Variants in DIP2B observed in about 807,000 individuals in gnomAD.
DIP2B encodes DIP2 acetate--CoA ligase B (putative).
Under a neutral mutation model 198.0 loss-of-function variants are expected in DIP2B, and 76 were observed. The observed-to-expected ratio is 0.38, with a 90% confidence interval of 0.32 to 0.46. The LOEUF (loss-of-function observed/expected upper bound fraction) is 0.46. Among genes scored for constraint, DIP2B ranks in the 20% least tolerant of loss-of-function variants. The pLI is 0.99. For synonymous variants in DIP2B, 701 were observed against 739.1 expected (o/e 0.95, Z 0.84); for missense variants, 1,559 against 1,978.4 (o/e 0.79, Z 4.02).
intron 25 of DIP2B, among the ~76,000 whole-genome samples, chr12:50,720,512 C>A (rs1393658023): frequency 2.0e-5 from 3 of 151,660 alleles, no homozygotes; most frequent in African/African-American, 4.8e-5. Context: ...CGTTAAAAAT[C>A]TTAAGAACCA....
intron 1 of DIP2B, among the ~76,000 whole-genome samples, chr12:50,587,370 C>A (rs1188237506): frequency 6.6e-6 from 1 of 152,158 alleles, no homozygotes; most frequent in Non-Finnish European, 1.5e-5. Context: ...GCTATATGGA[C>A]CTTATTAAGA....
rs566397684 is a variant in DIP2B at position 50,739,838 on chromosome 12, T to A, written c.4354+252T>A. Reference sequence around the variant, plus strand: ...TCAGAGAGATGTGCCTGATGGCAAGTGAGCGTCCCTGGCTAAACAGACTTT... The same window carrying A: ...TCAGAGAGATGTGCCTGATGGCAAGAGAGCGTCCCTGGCTAAACAGACTTT... On this transcript the variant is annotated intron_variant, in intron 36 of 37. Coordinates refer to ENST00000301180, the MANE Select transcript of DIP2B (RefSeq NM_173602.3). Among the ~76,000 whole-genome samples, 10 of 152,314 alleles carry A rather than the reference T, an allele frequency of 6.6e-5. No individual in the cohort carries two copies. The East Asian group carries it at 1.9e-3, about 29-fold the overall frequency.
chr12:50,644,200 G>T (rs911010918), intron 3 of DIP2B, among the ~76,000 whole-genome samples: 1 of 152,154 alleles, frequency 6.6e-6, no homozygotes, highest in African/African-American at 2.4e-5. Flanking sequence ...TTAATTTCAA[G>T]TATACTACCT....
At chr12:50,717,541 G>A (rs954108535) in intron 23 of DIP2B, among the ~76,000 whole-genome samples, 1 of 151,400 alleles carries the variant, frequency 6.6e-6, no homozygotes, top group Non-Finnish European at 1.5e-5. Context: ...AATTTTTTTT[G>A]TATTTTTAGT....
At chr12:50,553,463 G>A (rs1040653995) in intron 1 of DIP2B, among the ~76,000 whole-genome samples, 6 of 152,166 alleles carry the variant, frequency 3.9e-5, no homozygotes, top group African/African-American at 1.4e-4. Context: ...AATCCTGAAT[G>A]TAACAAGAGA....
rs756980781 is a variant in DIP2B, at chr12:50,641,857, T to C, written c.301+1005T>C. On this transcript the variant is annotated intron_variant, in intron 3 of 37. Coordinates refer to ENST00000301180, the MANE Select transcript of DIP2B (RefSeq NM_173602.3). Reference sequence around the variant, plus strand: ...AGAGTAGTCTCTGCAGCACATTTCTTGTTTTAAGAAGTGGCAGAATTAAGC... The same window carrying C: ...AGAGTAGTCTCTGCAGCACATTTCTCGTTTTAAGAAGTGGCAGAATTAAGC... Among the ~76,000 whole-genome samples the C allele has an allele frequency of 5.3e-5, 8 of 152,324 alleles. No homozygotes were observed. In the East Asian group the frequency reaches 1.5e-3, roughly 29 times the overall value.
At chr12:50,561,555 T>A (rs1209448689) in intron 1 of DIP2B, among the ~76,000 whole-genome samples, 1 of 152,208 alleles carries the variant, frequency 6.6e-6, no homozygotes, top group Non-Finnish European at 1.5e-5. Flanking sequence ...CACCTTAATT[T>A]ATGGAAACGA....
At chr12:50,562,747 A>C (rs1958530418) in intron 1 of DIP2B, among the ~76,000 whole-genome samples, 1 of 151,916 alleles carries the variant, frequency 6.6e-6, no homozygotes, top group Admixed American at 6.6e-5. Flanking sequence ...AAAAAAAAAA[A>C]AAAATTCTCA....
At chr12:50,735,043 C>T (rs1235862026) in intron 33 of DIP2B, 30 bp from the exon 34 acceptor site, 41 of 1,613,800 alleles carry the variant, frequency 2.5e-5, no homozygotes, top group Non-Finnish European at 3.4e-5. Flanking sequence ...CTTAAAAGCC[C>T]TATATATAGT....
intron 1 of DIP2B, among the ~76,000 whole-genome samples, chr12:50,557,782 G>T (rs1056790147): frequency 2.6e-5 from 4 of 152,200 alleles, no homozygotes. Flanking sequence ...AGTTCTTGTT[G>T]TTTCTCCCAG....
chr12:50,726,264 C>T (rs1421057245), intron 28 of DIP2B, among the ~76,000 whole-genome samples: 1 of 152,172 alleles, frequency 6.6e-6, no homozygotes, highest in Non-Finnish European at 1.5e-5. Context: ...TCTTTGACAT[C>T]CCTGGTTTTG....
intron 12 of DIP2B, chr12:50,686,892 CA>C (rs150189103): frequency 0.028 from 8,934 of 313,700 alleles, no homozygotes; most frequent in Middle Eastern, 0.045. Flanking sequence ...AGAATGACGG[CA>C]AAAAAAAAAG....
At position 50,699,131 on chromosome 12, in the gene DIP2B, A is replaced by G. The variant is rs1939370967; in HGVS notation, c.2254A>G (p.Ile752Val). The stretch of plus-strand genomic sequence containing the variant: ...CTGCAAAACAGATGAAATTGGAGAA[A>G]TCTGTGTTAGCTCCAGAACTGGAGG... ...QLCKTDEIGE[I>V]CVSSRTGGMM... The change falls in exon 19 of 38, where the codon ATC becomes GTC. Residue 752 changes from isoleucine to valine, a missense_variant. Physicochemically the swap from Ile to Val is conservative, Grantham distance 29 (BLOSUM62 3). Coordinates refer to ENST00000301180, the MANE Select transcript of DIP2B (RefSeq NM_173602.3). 1 of 1,614,162 alleles carries G rather than the reference A, an allele frequency of 6.2e-7. No homozygotes were observed. Among genetic ancestry groups the G allele is most frequent in the Non-Finnish European group, 8.5e-7 (1 of 1,180,016 alleles).
chr12:50,674,590 A>G lies in DIP2B; in HGVS notation c.757A>G (p.Lys253Glu). 6.2e-7 allele frequency: 1 copy of G among 1,614,248 alleles called. No homozygotes were observed. The highest frequency in any genetic ancestry group is 1.1e-5 in the South Asian group (1 of 91,086). Reference protein sequence around the residue: ...PPSGIVKGMHKGSNRSSLMDT... With the variant: ...PPSGIVKGMHEGSNRSSLMDT... ...CTCGGGGATAGTTAAAGGCATGCAC[A>G]AAGGATCCAACAGGTCCAGCCTTAT... Residue 253 changes from lysine (K) to glutamate (E), a missense_variant, in exon 6 of 38, where the codon AAA becomes GAA. Transcript: ENST00000301180.
At chr12:50,589,121 T>A (rs1347157441) in intron 1 of DIP2B, among the ~76,000 whole-genome samples, 1 of 151,732 alleles carries the variant, frequency 6.6e-6, no homozygotes, top group Non-Finnish European at 1.5e-5. Context: ...GAGGCGGAGC[T>A]TGCAGTGAGC....
intron 23 of DIP2B, 23 bp from the exon 24 acceptor site, chr12:50,718,686 T>G (rs1339448758): frequency 3.1e-6 from 5 of 1,599,698 alleles, no homozygotes; most frequent in Non-Finnish European, 4.3e-6. Flanking sequence ...CTCCAGTGAG[T>G]TGGGTTTTGC....
chr12:50,591,881 GT>G (rs200971587), intron 1 of DIP2B, among the ~76,000 whole-genome samples: 9,684 of 139,550 alleles, frequency 0.069, 665 homozygotes, highest in East Asian at 0.36. Flanking sequence ...ATTTTTGTGT[GT>G]TTTTTTTTTT....
chr12:50,707,482 G>A (rs780852095), intron 21 of DIP2B, among the ~76,000 whole-genome samples: 5 of 152,208 alleles, frequency 3.3e-5, no homozygotes, highest in Admixed American at 6.5e-5. Flanking sequence ...CAGACATGCC[G>A]GCAGACTCTG....
intron 21 of DIP2B, 117 bp downstream of exon 21, chr12:50,706,782 T>C: frequency 8.0e-7 from 1 of 1,255,284 alleles, no homozygotes. Flanking sequence ...ATTGTTTTTG[T>C]TAAGCATTGC....
Sources: allele counts gnomAD v4.1 joint callset (sites outside exome capture counted in the v4.1 genomes callset), GRCh38; gene constraint gnomAD v4.1.1; transcripts MANE v1.5; gene names NCBI Gene and HGNC (gene_info 2026-07-23, HGNC 2026-07-21).